The following MACROD2 variants were observed in gnomAD, a reference collection of about 807,000 sequenced individuals.
The protein encoded by MACROD2 is mono-ADP ribosylhydrolase 2.
In MACROD2, 36 loss-of-function variants were observed where a neutral mutation model predicts 70.4. The observed-to-expected ratio is 0.51, with a 90% CI of 0.39 to 0.68. The LOEUF (loss-of-function observed/expected upper bound fraction) is 0.68, where lower values mean the gene tolerates loss of function less well. Among genes scored for constraint, MACROD2 ranks in the 30% least tolerant of loss-of-function variants. The pLI is 0.00. For synonymous variants in MACROD2, 172 were observed against 178.8 expected, an observed-to-expected ratio of 0.96 and a Z score of 0.30; for missense variants, 496 against 538.4, an observed-to-expected ratio of 0.92 and a Z score of 0.78.
chr20:14,465,245 A>G lies in MACROD2; in HGVS notation c.272-28234A>G, dbSNP rs558423211. Among the ~76,000 whole-genome samples the G allele has an allele frequency of 3.3e-5, 5 of 152,118 alleles. No individual in the cohort carries two copies. In the East Asian group the frequency reaches 9.6e-4, roughly 29 times the overall value. On this transcript the variant is annotated intron_variant, in intron 3 of 17. Transcript: ENST00000684519. ...TGTATTGGGTACATATATATTTAGG[A>G]TAGTTAGTTCTTCTTGTTGAATTGA...
At chr20:14,298,348 A>C (rs1047004726) in intron 3 of MACROD2, among the ~76,000 whole-genome samples, 1 of 151,744 alleles carries the variant, frequency 6.6e-6, no homozygotes, top group Non-Finnish European at 1.5e-5. Flanking sequence ...CGGCTGGATC[A>C]CCTGAGGTCA....
chr20:14,885,874 A>C (rs2073668657), intron 5 of MACROD2, among the ~76,000 whole-genome samples: 1 of 152,154 alleles, frequency 6.6e-6, no homozygotes, highest in African/African-American at 2.4e-5. Flanking sequence ...ATGACCCTTC[A>C]TTCATTTATT....
chr20:14,203,870 G>T (rs2081500686), intron 3 of MACROD2, among the ~76,000 whole-genome samples: 2 of 152,326 alleles, frequency 1.3e-5, no homozygotes, highest in South Asian at 4.1e-4. Context: ...CAGGTGATGT[G>T]CTTGGGTGCT....
intron 8 of MACROD2, among the ~76,000 whole-genome samples, chr20:15,516,564 C>T (rs78424285): frequency 0.062 from 9,407 of 152,126 alleles, 312 homozygotes; most frequent in Middle Eastern, 0.078. Context: ...GGGCAGAGGA[C>T]AGAGTCAAGG....
chr20:15,685,807 C>T (rs1181831627), intron 8 of MACROD2, among the ~76,000 whole-genome samples: 2 of 152,136 alleles, frequency 1.3e-5, no homozygotes, highest in Admixed American at 6.5e-5. Flanking sequence ...GTTTGTTGCT[C>T]TTTTTTGAGG....
chr20:14,281,947 A>G (rs553176668), intron 3 of MACROD2, among the ~76,000 whole-genome samples: 13 of 151,206 alleles, frequency 8.6e-5, no homozygotes, highest in Middle Eastern at 6.9e-3. Flanking sequence ...AAAAAAAAAA[A>G]AAAAGAAAAG....
rs139093459 is a variant in MACROD2, at chr20:15,554,291, G to C, written c.645+54444G>C. ...AGGTGAAGAGAGAGGAATTTGCTCC[G>C]GTATAGTGCTTAAAGAAGGAAGGCA... On this transcript the variant is annotated intron_variant, in intron 8 of 17. Transcript: ENST00000684519. Among the ~76,000 whole-genome samples the C allele has an allele frequency of 2.0e-5, 3 of 152,188 alleles. No individual in the cohort carries two copies. In the South Asian group the frequency reaches 6.2e-4, roughly 32 times the overall value.
At chr20:15,973,869 T>C (rs2066267029) in intron 13 of MACROD2, among the ~76,000 whole-genome samples, 1 of 152,218 alleles carries the variant, frequency 6.6e-6, no homozygotes, top group African/African-American at 2.4e-5. Context: ...TTGATAACAA[T>C]TTAAATTCCT....
Position 14,849,817 on chromosome 20 carries a change from TAA to T in MACROD2, c.418+164860_418+164861del, listed in dbSNP as rs949411918. 1.7e-5 allele frequency: 6 copies of T among 345,202 alleles called. No homozygotes were observed. The Admixed American group carries it at 2.1e-4, about 12-fold the overall frequency. The allele number at this position is 345,202 out of a possible 1,614,324, so 21.4% of individuals were successfully genotyped here. ...ATAGATAAGTAGTAACTCTCACATC[TAA>T]AGAGCAAGAGCAGACTGTAGCAGAT... On this transcript the variant is annotated intron_variant, in intron 5 of 17. Transcript: ENST00000684519.
intron 6 of MACROD2, among the ~76,000 whole-genome samples, chr20:15,281,559 A>C (rs542011511): frequency 6.6e-6 from 1 of 152,190 alleles, no homozygotes; most frequent in South Asian, 2.1e-4. Flanking sequence ...ATTAAACCTC[A>C]AAGTTCCAAA....
chr20:14,387,168 G>C (rs1436711151), intron 3 of MACROD2, among the ~76,000 whole-genome samples: 2 of 152,158 alleles, frequency 1.3e-5, no homozygotes, highest in Non-Finnish European at 1.5e-5. Flanking sequence ...CTCAGGAGTA[G>C]TTTCTCTTTT....
chr20:15,629,480 TA>T (rs1396504132), intron 8 of MACROD2, among the ~76,000 whole-genome samples: 1 of 152,206 alleles, frequency 6.6e-6, no homozygotes, highest in Non-Finnish European at 1.5e-5. Flanking sequence ...ATATTTCTCT[TA>T]AAATTCTACT....
intron 5 of MACROD2, among the ~76,000 whole-genome samples, chr20:15,133,281 A>G (rs1006847991): frequency 1.7e-4 from 26 of 152,138 alleles, no homozygotes; most frequent in African/African-American, 6.0e-4. Context: ...AGACTGGAGA[A>G]AATTATTTGC....
chr20:15,717,930 A>T (rs1314456603), intron 8 of MACROD2, among the ~76,000 whole-genome samples: 7 of 152,134 alleles, frequency 4.6e-5, no homozygotes, highest in Non-Finnish European at 8.8e-5. Context: ...AGAAAGGCTG[A>T]CAACTAGTAG....
At chr20:15,228,389 C>T (rs905497291) in intron 5 of MACROD2, among the ~76,000 whole-genome samples, 18 of 151,836 alleles carry the variant, frequency 1.2e-4, no homozygotes, top group Non-Finnish European at 1.8e-4. Context: ...CAGAATTAAT[C>T]ATGGAAACCA....
intron 6 of MACROD2, among the ~76,000 whole-genome samples, chr20:15,406,827 A>T (rs1370414071): frequency 1.3e-5 from 2 of 152,202 alleles, no homozygotes; most frequent in African/African-American, 4.8e-5. Flanking sequence ...AAACTCATTA[A>T]GTACCCTGGC....
chr20:14,740,502 A>G (rs1438859878), intron 5 of MACROD2, among the ~76,000 whole-genome samples: 1 of 152,182 alleles, frequency 6.6e-6, no homozygotes, highest in African/African-American at 2.4e-5. Context: ...AAAATGCTCA[A>G]GAATTCCCTG....
In MACROD2 at chr20:15,720,455, G is replaced by C. The variant is rs533607158; in HGVS notation, c.646-142290G>C. 1.3e-3 allele frequency among the ~76,000 whole-genome samples: 197 copies of C among 152,130 alleles called. 1 individual carries two copies. The highest frequency in any genetic ancestry group is 4.6e-3 in the African/African-American group (190 of 41,494). On this transcript the variant is annotated intron_variant, in intron 8 of 17. Transcript: ENST00000684519. ...CACCTAGTTATTTCTCTATCCTTCT[G>C]CCTTCTCTGCACTAATCACAAATTG...
chr20:15,868,563 A>G (rs1023235243), intron 9 of MACROD2, among the ~76,000 whole-genome samples: 1 of 151,162 alleles, frequency 6.6e-6, no homozygotes, highest in African/African-American at 2.4e-5. Context: ...TTCTTTATAT[A>G]CCTTAAGCAA....
Sources: allele counts gnomAD v4.1 joint callset (sites outside exome capture counted in the v4.1 genomes callset), GRCh38; gene constraint gnomAD v4.1.1; transcripts MANE v1.5; gene names NCBI Gene and HGNC (gene_info 2026-07-23, HGNC 2026-07-21).